ADGRD1: variants seen among roughly 807,000 people sequenced by gnomAD.
The protein encoded by ADGRD1 is adhesion G protein-coupled receptor D1.
Under a neutral mutation model 113.4 loss-of-function variants are expected in ADGRD1, and 77 were observed. That is an observed-to-expected ratio of 0.68 (90% CI 0.57 to 0.82). The LOEUF (loss-of-function observed/expected upper bound fraction) is 0.82, where lower values mean the gene tolerates loss of function less well. Among genes scored for constraint, ADGRD1 ranks in the 40% least tolerant of loss-of-function variants. The probability of loss-of-function intolerance (pLI) is 0.00; values close to 1 mark genes in which losing one functional copy is unlikely to be tolerated. For missense variants in ADGRD1, 1,036 were observed against 1,139.1 expected (o/e 0.91, Z 1.30); for synonymous variants, 474 against 475.0 (o/e 1.00, Z 0.03).
chr12:131,006,542 G>A (rs1877143943), intron 12 of ADGRD1, among the ~76,000 whole-genome samples: 1 of 152,216 alleles, frequency 6.6e-6, no homozygotes, highest in Non-Finnish European at 1.5e-5. Context: ...GACCTGCTCT[G>A]TCTGCCCCCT....
chr12:130,990,988 C>T, intron 6 of ADGRD1, 26 bp from the exon 7 acceptor site: 1 of 1,606,672 alleles, frequency 6.2e-7, no homozygotes, highest in South Asian at 1.1e-5. Flanking sequence ...ATGTTTTAGT[C>T]CTTAATCCAG....
intron 10 of ADGRD1, 81 bp from the exon 11 acceptor site, chr12:131,004,105 G>A: frequency 1.2e-6 from 1 of 808,238 alleles, no homozygotes; most frequent in South Asian, 1.5e-5. Flanking sequence ...AAAAAGAAAA[G>A]CAGACGGGGT....
In ADGRD1 at chr12:130,954,546, T is replaced by C. The variant is rs1207761856; in HGVS notation, c.66+15T>C. 1.9e-6 allele frequency: 3 copies of C among 1,613,266 alleles called. No homozygotes were observed. In the Admixed American group the frequency reaches 5.0e-5, roughly 27 times the overall value. On this transcript the variant is annotated intron_variant, in intron 1 of 24. Transcript: ENST00000261654. The surrounding 1 kb of genome is among the most constrained non-coding windows in gnomAD (Gnocchi z 4.7). ...ACAACTTTCAGGTAATGTCCCCAAGTGGCCAGGATGGCGACAGGCTTGGTT... is the reference window on the plus strand; with the variant it reads ...ACAACTTTCAGGTAATGTCCCCAAGCGGCCAGGATGGCGACAGGCTTGGTT...
rs1223672578 is a variant in ADGRD1 at position 131,118,457 on chromosome 12, T to C, written c.2108+6T>C. On this transcript the variant is annotated splice_donor_region_variant and intron_variant, in intron 19 of 24. Transcript: ENST00000261654. ...AGTTACGGAACAAGCAACAAGTAAG[T>C]GCAGGGCTTTGCCTTGCTTTTGGCA... The C allele has an allele frequency of 2.5e-6, 4 of 1,601,280 alleles. No homozygotes were observed. The South Asian group carries it at 3.4e-5, about 14-fold the overall frequency.
chr12:130,989,176 CA>C, intron 6 of ADGRD1: 1 of 152,300 alleles, frequency 6.6e-6, no homozygotes, highest in Admixed American at 6.5e-5. Context: ...CAATCTACTG[CA>C]TTTTATTGCC....
rs1436433447 is a variant in ADGRD1, at chr12:131,046,216, G to A, written c.1474-30585G>A. ...CTGGTCAGTGCTCCCTCCCTGGTCA[G>A]TGTCCTCCCTGGTCAGTGCTCCTCC... On this transcript the variant is annotated intron_variant, in intron 13 of 24. Coordinates refer to ENST00000261654, the MANE Select transcript of ADGRD1 (RefSeq NM_198827.5). Among the ~76,000 whole-genome samples, 2 of 147,030 alleles carry A rather than the reference G, an allele frequency of 1.4e-5. 1 individual carries two copies. Among genetic ancestry groups the A allele is most frequent in the African/African-American group, 5.2e-5 (2 of 38,316 alleles).
chr12:131,130,985 G>A (rs571094409), intron 20 of ADGRD1, among the ~76,000 whole-genome samples: 2 of 152,330 alleles, frequency 1.3e-5, no homozygotes, highest in South Asian at 4.1e-4. Flanking sequence ...TCTGTACACG[G>A]CCTCAGAATT....
At position 130,955,123 on chromosome 12, in the gene ADGRD1, C is replaced by CTTTTTTTTTTTTTTTTTTTTTT. The variant is rs71451389; in HGVS notation, c.103+476_103+477insTTTTTTTTTTTTTTTTTTTTTT. Among the ~76,000 whole-genome samples the CTTTTTTTTTTTTTTTTTTTTTT allele has an allele frequency of 7.6e-3, 760 of 99,470 alleles. 9 individuals carry two copies. Among genetic ancestry groups the CTTTTTTTTTTTTTTTTTTTTTT allele is most frequent in the Non-Finnish European group, 8.9e-3 (460 of 51,452 alleles). The allele number at this position is 99,470 out of a possible 152,430, so 65.3% of individuals were successfully genotyped here. On this transcript the variant is annotated intron_variant, in intron 2 of 24. Transcript: ENST00000261654. The stretch of plus-strand genomic sequence containing the variant: ...CACAGGTGTGCACCACTACACCCAG[C>CTTTTTTTTTTTTTTTTTTTTTT]TTTTTTTTTTTTTGTATTTTTAGTA...
intron 18 of ADGRD1, among the ~76,000 whole-genome samples, chr12:131,114,926 A>G (rs1950429098): frequency 6.6e-6 from 1 of 152,214 alleles, no homozygotes; most frequent in Admixed American, 6.5e-5. Flanking sequence ...GCAAACTCAG[A>G]GGTGAAGAGA....
chr12:130,955,358 G>C (rs949463951), intron 2 of ADGRD1, among the ~76,000 whole-genome samples: 1 of 152,020 alleles, frequency 6.6e-6, no homozygotes, highest in African/African-American at 2.4e-5. Context: ...GACCAGCTTA[G>C]CCTGGAGCAG....
At chr12:131,078,353 G>A (rs575852355) in intron 14 of ADGRD1, among the ~76,000 whole-genome samples, 11 of 152,278 alleles carry the variant, frequency 7.2e-5, no homozygotes, top group African/African-American at 2.4e-4. Context: ...GGCCGTCGGC[G>A]TCTGGCTATG....
At chr12:131,006,757 T>G (rs1877181083) in intron 12 of ADGRD1, among the ~76,000 whole-genome samples, 2 of 151,834 alleles carry the variant, frequency 1.3e-5, no homozygotes, top group African/African-American at 2.4e-5. Flanking sequence ...AGTCCTAAAT[T>G]TTGTGATCTG....
intron 19 of ADGRD1, 196 bp from the exon 20 acceptor site, chr12:131,120,651 G>A: frequency 1.5e-6 from 1 of 653,194 alleles, no homozygotes; most frequent in South Asian, 1.8e-5. Context: ...CTTCAAACCT[G>A]GAAAATCCTT....
At chr12:130,988,111 A>G (rs976259253) in intron 6 of ADGRD1, 1 of 150,968 alleles carries the variant, frequency 6.6e-6, no homozygotes, top group Non-Finnish European at 1.5e-5. Context: ...TTTTTGTCTT[A>G]ATCTCTCAGA....
chr12:131,100,601 G>A (rs1413270012), intron 15 of ADGRD1, among the ~76,000 whole-genome samples: 2 of 152,136 alleles, frequency 1.3e-5, no homozygotes, highest in Non-Finnish European at 2.9e-5. Context: ...GATTGATAAT[G>A]GGTTGGTTGA....
intron 13 of ADGRD1, among the ~76,000 whole-genome samples, chr12:131,047,377 G>C (rs922650178): frequency 6.6e-6 from 1 of 152,184 alleles, no homozygotes. Context: ...CTGGACAATG[G>C]GGGGACAGCT....
At chr12:131,036,520 T>A (rs1369920957) in intron 13 of ADGRD1, among the ~76,000 whole-genome samples, 4 of 150,544 alleles carry the variant, frequency 2.7e-5, no homozygotes, top group African/African-American at 9.8e-5. Flanking sequence ...CGGGCCTCAC[T>A]CACTGCACCA....
intron 20 of ADGRD1, among the ~76,000 whole-genome samples, chr12:131,122,570 TC>T (rs564326726): frequency 1.2e-3 from 188 of 152,330 alleles, no homozygotes; most frequent in African/African-American, 4.5e-3. Flanking sequence ...CAGAGCGGAC[TC>T]CAGTCATCAA....
At chr12:131,009,449 C>T (rs1284445208) in intron 12 of ADGRD1, among the ~76,000 whole-genome samples, 2 of 152,168 alleles carry the variant, frequency 1.3e-5, no homozygotes, top group Non-Finnish European at 2.9e-5. Flanking sequence ...GGGGTGTGTG[C>T]AGTTGACTCT....
Sources: gnomAD v4.1 joint callset for allele counts (sites outside exome capture counted in the v4.1 genomes callset) on GRCh38, gnomAD v4.1.1 for gene constraint, Gnocchi (gnomAD v3.1) non-coding constraint, MANE v1.5 for transcripts, NCBI Gene and HGNC (gene_info 2026-07-23, HGNC 2026-07-21) for gene names.